Variants in PCDHGA8 observed in about 807,000 individuals in gnomAD.
The protein encoded by PCDHGA8 is protocadherin gamma subfamily A, 8.
Under a neutral mutation model 59.2 loss-of-function variants are expected in PCDHGA8, and 45 were observed. That is an observed-to-expected ratio of 0.76 (90% CI 0.60 to 0.98). The LOEUF is 0.98. Ranked by LOEUF, PCDHGA8 falls within the 50% of genes least tolerant of loss-of-function variation. PCDHGA8 has a pLI of 0.00. For missense variants in PCDHGA8, 1,257 were observed against 1,196.2 expected (o/e 1.05, Z -0.75); for synonymous variants, 531 against 519.0 (o/e 1.02, Z -0.32).
chr5:141,464,389 A>G (rs2099082481), intron 1 of PCDHGA8, among the ~76,000 whole-genome samples: 1 of 151,766 alleles, frequency 6.6e-6, no homozygotes, highest in Non-Finnish European at 1.5e-5. Flanking sequence ...AAAAATGCTA[A>G]TGAAGAACCT....
chr5:141,399,831 TG>T (rs1368149251), intron 1 of PCDHGA8: 1 of 1,613,172 alleles, frequency 6.2e-7, no homozygotes, highest in South Asian at 1.1e-5. Flanking sequence ...CCGACGGCTC[TG>T]CGCTCTTCGA....
chr5:141,504,705 T>C (rs960774850), intron 2 of PCDHGA8, among the ~76,000 whole-genome samples: 19 of 151,608 alleles, frequency 1.3e-4, no homozygotes, highest in Middle Eastern at 3.4e-3. Flanking sequence ...GGTTCTTCTA[T>C]GGCCGTGGAT....
intron 1 of PCDHGA8, among the ~76,000 whole-genome samples, chr5:141,452,648 GCTCCATCCACTGCA>G (rs2098746292): frequency 6.6e-6 from 1 of 151,930 alleles, no homozygotes; most frequent in African/African-American, 2.4e-5. Flanking sequence ...TTACTCATTT[GCTCCATCCACTGCA>G]CTCCAGCCTA....
chr5:141,409,903 G>A (rs570063514), intron 1 of PCDHGA8: 1 of 1,613,268 alleles, frequency 6.2e-7, no homozygotes, highest in Non-Finnish European at 8.5e-7. Flanking sequence ...ACCCAGCTCT[G>A]GGTCCTGACG....
At chr5:141,444,578 C>G (rs1030770037) in intron 1 of PCDHGA8, among the ~76,000 whole-genome samples, 1 of 152,134 alleles carries the variant, frequency 6.6e-6, no homozygotes, top group Non-Finnish European at 1.5e-5. Context: ...TTGACTCTTC[C>G]TTTCTACTTA....
rs2097536640 is a variant in PCDHGA8 at position 141,432,779 on chromosome 5, G to C, written c.2424+37542G>C. 3 of 1,614,170 alleles carry C rather than the reference G, an allele frequency of 1.9e-6. No individual in the cohort carries two copies. The highest frequency in any genetic ancestry group is 2.5e-6 in the Non-Finnish European group (3 of 1,180,002). On this transcript the variant is annotated intron_variant, in intron 1 of 3. Coordinates refer to ENST00000398604, the MANE Select transcript of PCDHGA8 (RefSeq NM_032088.2). The surrounding 1 kb of genome is among the most constrained non-coding windows in gnomAD (Gnocchi z 6.0). Reference sequence around the variant, plus strand: ...CGACAGCATCCCCCAAGTCCTGGCGGACCTCGGCAGCCTCGAGTCTCCAGC... The same window carrying C: ...CGACAGCATCCCCCAAGTCCTGGCGCACCTCGGCAGCCTCGAGTCTCCAGC...
intron 1 of PCDHGA8, chr5:141,405,552 G>A (rs2094685427): frequency 1.6e-6 from 1 of 623,718 alleles, no homozygotes. Context: ...CCCAAGTAGA[G>A]TAGCTGGGAC....
chr5:141,395,961 G>C (rs1016569431), intron 1 of PCDHGA8: 1 of 151,956 alleles, frequency 6.6e-6, no homozygotes, highest in Non-Finnish European at 1.5e-5. Flanking sequence ...AAAAACAAAA[G>C]CAAAAACATT....
chr5:141,429,073 C>CTCGATT (rs1202357717), intron 1 of PCDHGA8: 1 of 152,116 alleles, frequency 6.6e-6, no homozygotes, highest in African/African-American at 2.4e-5. Context: ...CCAGGATGGT[C>CTCGATT]TCGATTTCCT....
At chr5:141,429,925 A>G (rs1009987955) in intron 1 of PCDHGA8, among the ~76,000 whole-genome samples, 5 of 152,244 alleles carry the variant, frequency 3.3e-5, no homozygotes, top group African/African-American at 1.2e-4. Flanking sequence ...TATTAATAGA[A>G]TTCTGGAGTA....
At chr5:141,410,063 C>CTGCGCACTGGGGAGG (rs2095353294) in intron 1 of PCDHGA8, 2 of 1,612,972 alleles carry the variant, frequency 1.2e-6, no homozygotes, top group Non-Finnish European at 1.7e-6. Context: ...CAGCCTGGGG[C>CTGCGCACTGGGGAGG]TGCGCACTGG....
Position 141,400,095 on chromosome 5 carries a change from G to A in PCDHGA8, c.2424+4858G>A, listed in dbSNP as rs6873830. ...CGCCACTCTCCGCCACCGCCACGCT[G>A]CACTTGGTCTTTGCTGACAGCTTGC... On this transcript the variant is annotated intron_variant, in intron 1 of 3. Coordinates refer to ENST00000398604, the MANE Select transcript of PCDHGA8 (RefSeq NM_032088.2). 3.0e-3 allele frequency: 4,838 copies of A among 1,614,064 alleles called. 144 individuals are homozygous for A. The African/African-American group carries it at 0.056, about 19-fold the overall frequency.
rs143779180 is a variant in PCDHGA8 at position 141,485,438 on chromosome 5, C to A, written c.2425-9369C>A. The A allele has an allele frequency of 9.9e-6, 16 of 1,614,170 alleles. No individual in the cohort carries two copies. The African/African-American group carries it at 1.3e-4, about 13-fold the overall frequency. Reference sequence around the variant, plus strand: ...CAGCGGAGCCCTGCTCATCAAGAACCCAATCGACCGAGAGGCACTGTGTGG... The same window carrying A: ...CAGCGGAGCCCTGCTCATCAAGAACACAATCGACCGAGAGGCACTGTGTGG... On this transcript the variant is annotated intron_variant, in intron 1 of 3. Coordinates refer to ENST00000398604, the MANE Select transcript of PCDHGA8 (RefSeq NM_032088.2). The surrounding 1 kb of genome is among the most constrained non-coding windows in gnomAD (Gnocchi z 5.7).
intron 2 of PCDHGA8, 114 bp from the exon 3 acceptor site, chr5:141,505,279 C>A (rs780513022): frequency 1.3e-6 from 2 of 1,541,274 alleles, no homozygotes; most frequent in Non-Finnish European, 1.7e-6. Flanking sequence ...AGAAACAGGT[C>A]TTGGGCATGG....
intron 1 of PCDHGA8, among the ~76,000 whole-genome samples, chr5:141,450,814 A>ATT (rs755856825): frequency 0.033 from 4,450 of 136,778 alleles, 81 homozygotes; most frequent in Middle Eastern, 0.081. Context: ...TTATTTATTT[A>ATT]ATATTATTAT....
intron 1 of PCDHGA8, among the ~76,000 whole-genome samples, chr5:141,474,096 CAACAAA>C (rs1262341033): frequency 1.3e-5 from 2 of 152,078 alleles, no homozygotes; most frequent in African/African-American, 4.8e-5. Context: ...AAACAAACAA[CAACAAA>C]AACAACAACA....
chr5:141,496,772 T>C (rs994207358), intron 2 of PCDHGA8, among the ~76,000 whole-genome samples: 9 of 152,008 alleles, frequency 5.9e-5, no homozygotes, highest in African/African-American at 1.2e-4. Flanking sequence ...GCATCTACTA[T>C]GAGCAGGGCC....
At chr5:141,427,922 G>T (rs949317839) in intron 1 of PCDHGA8, 2 of 1,580,624 alleles carry the variant, frequency 1.3e-6, no homozygotes, top group African/African-American at 1.3e-5. Context: ...ACATGAGCCG[G>T]CGCATGTTGG....
chr5:141,454,796 ATTTTTT>A (rs61612330), intron 1 of PCDHGA8, among the ~76,000 whole-genome samples: 41 of 77,454 alleles, frequency 5.3e-4, no homozygotes, highest in African/African-American at 1.7e-3. Context: ...CATGGTTCTA[ATTTTTT>A]TTTTTTTTTT....
Sources: allele counts gnomAD v4.1 joint callset (sites outside exome capture counted in the v4.1 genomes callset), GRCh38; gene constraint gnomAD v4.1.1; non-coding constraint Gnocchi (gnomAD v3.1); transcripts MANE v1.5; gene names NCBI Gene and HGNC (gene_info 2026-07-23, HGNC 2026-07-21).